DLGAP1: variants seen among roughly 807,000 people sequenced by gnomAD.
The protein encoded by DLGAP1 is disks large-associated protein 1.
A neutral mutation model predicts 90.8 loss-of-function variants in DLGAP1; 11 were observed. The observed-to-expected ratio is 0.12, with a 90% CI of 0.08 to 0.20. The LOEUF (loss-of-function observed/expected upper bound fraction) is 0.20, where lower values mean the gene tolerates loss of function less well. Ranked by LOEUF, DLGAP1 falls within the 10% of genes least tolerant of loss-of-function variation. The pLI is 1.00. For missense variants in DLGAP1, 1,050 were observed against 1,333.8 expected (o/e 0.79, Z 3.31); for synonymous variants, 558 against 540.7 (o/e 1.03, Z -0.44).
chr18:3,812,210 T>C (rs2066878752), intron 5 of DLGAP1, among the ~76,000 whole-genome samples: 1 of 152,170 alleles, frequency 6.6e-6, no homozygotes, highest in African/African-American at 2.4e-5. Flanking sequence ...TTAAGGTCCA[T>C]AGAAGAATTT....
chr18:4,184,067 G>T (rs181787010), intron 1 of DLGAP1, among the ~76,000 whole-genome samples: 4 of 152,242 alleles, frequency 2.6e-5, no homozygotes, highest in South Asian at 4.1e-4. Flanking sequence ...GCAGAAAGAA[G>T]AGCGTTAAAT....
chr18:4,147,765 T>C (rs2076610852), intron 2 of DLGAP1, among the ~76,000 whole-genome samples: 2 of 152,214 alleles, frequency 1.3e-5, no homozygotes, highest in African/African-American at 4.8e-5. Context: ...TCAGAGCTTG[T>C]TATTAAACTA....
intron 6 of DLGAP1, among the ~76,000 whole-genome samples, chr18:3,735,944 TTCTC>T (rs147354669): frequency 2.9e-4 from 44 of 151,304 alleles, no homozygotes; most frequent in African/African-American, 1.0e-3. Context: ...TTCATTCTCT[TTCTC>T]TCTACACACA....
At chr18:4,088,366 A>C (rs1423188763) in intron 2 of DLGAP1, among the ~76,000 whole-genome samples, 1 of 152,140 alleles carries the variant, frequency 6.6e-6, no homozygotes, top group Non-Finnish European at 1.5e-5. Flanking sequence ...ACAGTCAACT[A>C]TCTCATAGCA....
intron 1 of DLGAP1, among the ~76,000 whole-genome samples, chr18:4,203,398 T>C (rs897889053): frequency 1.4e-4 from 22 of 152,250 alleles, no homozygotes; most frequent in African/African-American, 5.3e-4. Context: ...CCCACATTTG[T>C]CATGAGGAAA....
intron 4 of DLGAP1, among the ~76,000 whole-genome samples, chr18:3,848,140 A>AAAAAAAAG: frequency 6.8e-6 from 1 of 146,272 alleles, no homozygotes; most frequent in Non-Finnish European, 1.5e-5. Context: ...AAAAAAAAAA[A>AAAAAAAAG]AAAAAAAAAA....
chr18:3,674,293 T>TAAAAA (rs763030375), intron 7 of DLGAP1, among the ~76,000 whole-genome samples: 9 of 76,500 alleles, frequency 1.2e-4, no homozygotes, highest in African/African-American at 2.9e-4. Flanking sequence ...TCTATAATAT[T>TAAAAA]AAAATATATA....
chr18:3,598,042 G>A (rs1407960212), intron 7 of DLGAP1: 1 of 152,288 alleles, frequency 6.6e-6, no homozygotes, highest in Non-Finnish European at 1.5e-5. Context: ...AGATAACAGG[G>A]TTAGTGCTTA....
intron 2 of DLGAP1, among the ~76,000 whole-genome samples, chr18:4,043,719 T>A (rs535013552): frequency 6.6e-6 from 1 of 152,320 alleles, no homozygotes; most frequent in Admixed American, 6.5e-5. Context: ...ACAGAAGTGA[T>A]CTGTGTTTCC....
intron 7 of DLGAP1, among the ~76,000 whole-genome samples, chr18:3,622,271 A>AT (rs1268158437): frequency 3.0e-4 from 46 of 151,864 alleles, no homozygotes; most frequent in Middle Eastern, 3.4e-3. Flanking sequence ...CGCCCGGCTA[A>AT]TTTTTTGTAT....
intron 4 of DLGAP1, among the ~76,000 whole-genome samples, chr18:3,844,968 TA>T (rs1291331400): frequency 3.9e-5 from 6 of 152,148 alleles, no homozygotes; most frequent in African/African-American, 1.4e-4. Context: ...CTATAGATGA[TA>T]AAAATATTAA....
At chr18:3,961,735 C>A (rs1461079914) in intron 3 of DLGAP1, among the ~76,000 whole-genome samples, 3 of 152,212 alleles carry the variant, frequency 2.0e-5, no homozygotes, top group African/African-American at 4.8e-5. Context: ...TCAGGGCCAA[C>A]TGACTGGGAA....
At chr18:4,133,838 G>A (rs372897972) in intron 2 of DLGAP1, among the ~76,000 whole-genome samples, 13 of 152,178 alleles carry the variant, frequency 8.5e-5, no homozygotes, top group South Asian at 2.1e-4. Context: ...GAGGTCCTGC[G>A]TGAGGATGGT....
intron 6 of DLGAP1, among the ~76,000 whole-genome samples, chr18:3,730,886 T>A (rs1194461887): frequency 6.6e-6 from 1 of 152,236 alleles, no homozygotes; most frequent in African/African-American, 2.4e-5. Context: ...TGTGTCCATA[T>A]TAGAAAGTTA....
At chr18:3,763,249 C>T (rs1344007175) in intron 5 of DLGAP1, among the ~76,000 whole-genome samples, 1 of 152,174 alleles carries the variant, frequency 6.6e-6, no homozygotes, top group Non-Finnish European at 1.5e-5. Flanking sequence ...ATATCTTTCT[C>T]CTGTGCTGGA....
intron 5 of DLGAP1, among the ~76,000 whole-genome samples, chr18:3,786,172 C>T (rs1300029656): frequency 6.6e-6 from 1 of 152,162 alleles, no homozygotes; most frequent in Non-Finnish European, 1.5e-5. Context: ...ATCACATCTG[C>T]AAAGTCCATT....
chr18:3,672,039 GCATT>G (rs1406922399), intron 7 of DLGAP1, among the ~76,000 whole-genome samples: 1 of 151,984 alleles, frequency 6.6e-6, no homozygotes, highest in African/African-American at 2.4e-5. Flanking sequence ...AAAAACAAAA[GCATT>G]ATTAAAAAGG....
At chr18:4,106,130 A>C (rs1211441896) in intron 2 of DLGAP1, among the ~76,000 whole-genome samples, 1 of 151,854 alleles carries the variant, frequency 6.6e-6, no homozygotes, top group Non-Finnish European at 1.5e-5. Flanking sequence ...AAGAAGTAGC[A>C]GTTGGTAACT....
intron 7 of DLGAP1, among the ~76,000 whole-genome samples, chr18:3,726,573 A>G (rs2062189532): frequency 1.3e-5 from 2 of 152,214 alleles, no homozygotes; most frequent in Admixed American, 1.3e-4. Context: ...TCCATGTCAC[A>G]GAGAAACTGT....
Sources: allele counts gnomAD v4.1 joint callset (sites outside exome capture counted in the v4.1 genomes callset), GRCh38; gene constraint gnomAD v4.1.1; transcripts MANE v1.5; gene names NCBI Gene and HGNC (gene_info 2026-07-23, HGNC 2026-07-21).